Variants in LPXN observed in about 807,000 individuals in gnomAD.
LPXN encodes the protein leupaxin.
LPXN carries 28 observed loss-of-function variants against 45.6 expected under a neutral mutation model. The observed-to-expected ratio is 0.61, with a 90% CI of 0.45 to 0.84. The LOEUF is 0.84. LPXN is among the 40% of genes least tolerant of loss of function. LPXN has a pLI of 0.00. For synonymous variants in LPXN, 166 were observed against 169.9 expected (o/e 0.98, Z 0.18); for missense variants, 459 against 475.0 (o/e 0.97, Z 0.31).
Position 58,573,215 on chromosome 11 carries a change from C to T in LPXN, c.14-2502G>A, listed in dbSNP as rs1854762925. On this transcript the variant is annotated intron_variant, in intron 1 of 8. Coordinates refer to ENST00000395074, the MANE Select transcript of LPXN (RefSeq NM_004811.3). ...GAGCCGAGACCGTGCCATTGCACTC[C>T]AGCCTGGGCAACAAGAGCAAAACTC... Among the ~76,000 whole-genome samples, 3 of 143,478 alleles carry T rather than the reference C, an allele frequency of 2.1e-5. No homozygotes were observed. The Admixed American group carries it at 2.1e-4, about 10-fold the overall frequency. The allele number at this position is 143,478 out of a possible 152,430, so 94.1% of individuals were successfully genotyped here.
chr11:58,538,009 G>A (rs1853605277), intron 7 of LPXN, among the ~76,000 whole-genome samples: 1 of 146,096 alleles, frequency 6.8e-6, no homozygotes, highest in Non-Finnish European at 1.5e-5. Flanking sequence ...ACCTATGAGT[G>A]AGAACATGTG....
intron 2 of LPXN, among the ~76,000 whole-genome samples, chr11:58,569,866 G>A (rs1466875326): frequency 6.6e-6 from 1 of 152,144 alleles, no homozygotes; most frequent in East Asian, 1.9e-4. Flanking sequence ...TGTCTATGCT[G>A]CCACCTGGCC....
chr11:58,575,829 T>C lies in LPXN; in HGVS notation c.-57A>G. 1.9e-6 allele frequency: 3 copies of C among 1,614,160 alleles called. No individual in the cohort carries two copies. ...GGCCGTGAGGAACAGCTTTGGCATG[T>C]GCTGAAGAAGAGGACCGCAAAGGAA... is the stretch of plus-strand genomic sequence containing the variant. On this transcript the variant is annotated 5_prime_UTR_variant, in exon 1 of 9. Transcript: ENST00000395074.
chr11:58,533,281 T>C (rs7112350), intron 7 of LPXN, among the ~76,000 whole-genome samples: 30,302 of 152,068 alleles, frequency 0.2, 3,144 homozygotes, highest in African/African-American at 0.25. Context: ...AAGAGAAAGG[T>C]TGGGTAACCC....
At position 58,527,599 on chromosome 11, in the gene LPXN, C is replaced by T. The variant is rs758936336; in HGVS notation, c.1016G>A (p.Arg339His). 19 of 1,614,060 alleles carry T rather than the reference C, an allele frequency of 1.2e-5. No individual in the cohort carries two copies. Among genetic ancestry groups the T allele is most frequent in the African/African-American group, 1.3e-5 (1 of 74,924 alleles). ...CHGCGQPITG[R>H]CISAMGYKFH... ...CTTGTACCCCATGGCACTGATACAA[C>T]GGCCAGTGATGGGCTGCCCACACCC... Residue 339 changes from arginine (R) to histidine (H), a missense_variant, in exon 9 of 9, where the codon CGT (arginine) becomes CAT (histidine). Physicochemically the swap from Arg to His is conservative, Grantham distance 29 (BLOSUM62 0). Transcript: ENST00000395074.
intron 7 of LPXN, among the ~76,000 whole-genome samples, chr11:58,531,000 T>G (rs1853370427): frequency 6.6e-6 from 1 of 152,132 alleles, no homozygotes; most frequent in South Asian, 2.1e-4. Context: ...CAGAAAGGAA[T>G]AGCATCAACA....
At chr11:58,530,351 A>T (rs1169993336) in intron 7 of LPXN, among the ~76,000 whole-genome samples, 1 of 152,146 alleles carries the variant, frequency 6.6e-6, no homozygotes, top group Non-Finnish European at 1.5e-5. Flanking sequence ...GGGATACTAG[A>T]ATTTGGTGGA....
At chr11:58,573,241 C>G (rs1260384268) in intron 1 of LPXN, among the ~76,000 whole-genome samples, 1 of 123,908 alleles carries the variant, frequency 8.1e-6, no homozygotes, top group African/African-American at 3.6e-5. Flanking sequence ...AGCAAAACTC[C>G]GTCTCAAAAA....
At chr11:58,566,978 G>C (rs914233292) in intron 2 of LPXN, among the ~76,000 whole-genome samples, 1 of 151,882 alleles carries the variant, frequency 6.6e-6, no homozygotes, top group Non-Finnish European at 1.5e-5. Context: ...GAAAAGTTTT[G>C]TAGATCAGTT....
At chr11:58,529,661 A>G (rs1184481003) in intron 7 of LPXN, among the ~76,000 whole-genome samples, 1 of 152,062 alleles carries the variant, frequency 6.6e-6, no homozygotes, top group East Asian at 1.9e-4. Flanking sequence ...GAATCCCTAA[A>G]AAATTGAATC....
At chr11:58,566,199 T>C (rs1320118027) in intron 2 of LPXN, among the ~76,000 whole-genome samples, 1 of 152,214 alleles carries the variant, frequency 6.6e-6, no homozygotes, top group Non-Finnish European at 1.5e-5. Context: ...TTTTCAAAAC[T>C]TCATTTTATG....
upstream of LPXN, chr11:58,577,867 G>A (rs3763798): frequency 5.7e-3 from 5,081 of 894,926 alleles, 371 homozygotes; most frequent in East Asian, 0.13. Flanking sequence ...ACAAGGTCTA[G>A]TAGAAAAGCA....
intron 4 of LPXN, among the ~76,000 whole-genome samples, chr11:58,551,483 A>G (rs1176332516): frequency 6.6e-6 from 1 of 152,232 alleles, no homozygotes; most frequent in Non-Finnish European, 1.5e-5. Flanking sequence ...AATGTAGGAA[A>G]TTTAGTACAT....
chr11:58,543,240 T>C (rs1449800796), intron 7 of LPXN, among the ~76,000 whole-genome samples: 2 of 152,214 alleles, frequency 1.3e-5, no homozygotes, highest in Non-Finnish European at 2.9e-5. Flanking sequence ...CTTTGAATAA[T>C]GCTTGACACA....
At chr11:58,543,510 G>A (rs1003086765) in intron 7 of LPXN, among the ~76,000 whole-genome samples, 1 of 152,098 alleles carries the variant, frequency 6.6e-6, no homozygotes, top group Non-Finnish European at 1.5e-5. Flanking sequence ...TTCCACTGAA[G>A]GCTCTGTCTA....
At chr11:58,569,923 A>G (rs2134351244) in intron 2 of LPXN, among the ~76,000 whole-genome samples, 1 of 152,296 alleles carries the variant, frequency 6.6e-6, no homozygotes, top group East Asian at 1.9e-4. Context: ...TCAAACTGCA[A>G]CAGGCATCTC....
At chr11:58,549,341 C>T (rs1362787905) in intron 7 of LPXN, among the ~76,000 whole-genome samples, 4 of 152,136 alleles carry the variant, frequency 2.6e-5, no homozygotes, top group East Asian at 3.9e-4. Flanking sequence ...TTGCAGTGGG[C>T]GGAGATCGCA....
At chr11:58,565,602 T>C (rs1449384743) in intron 2 of LPXN, among the ~76,000 whole-genome samples, 1 of 152,120 alleles carries the variant, frequency 6.6e-6, no homozygotes, top group East Asian at 1.9e-4. Context: ...ATAAGATAAT[T>C]CTATCCAAAA....
At chr11:58,577,250 A>C (rs1488681815), upstream of LPXN, among the ~76,000 whole-genome samples, 1 of 152,218 alleles carries the variant, frequency 6.6e-6, no homozygotes, top group East Asian at 1.9e-4. Context: ...TCAATCTTAA[A>C]AAATTTCCAT....
Sources: allele counts gnomAD v4.1 joint callset (sites outside exome capture counted in the v4.1 genomes callset), GRCh38; gene constraint gnomAD v4.1.1; transcripts MANE v1.5; gene names NCBI Gene and HGNC (gene_info 2026-07-23, HGNC 2026-07-21).